Variants in LRRC49 observed in about 807,000 individuals in gnomAD.
LRRC49 encodes leucine-rich repeat-containing protein 49.
In LRRC49, 50 loss-of-function variants were observed where a neutral mutation model predicts 83.3. The ratio of observed to expected loss-of-function variants is 0.60; its 90% CI spans 0.48 to 0.76. LRRC49 has a LOEUF of 0.76. Ranked by LOEUF, LRRC49 falls within the 30% of genes least tolerant of loss-of-function variation. The probability of loss-of-function intolerance (pLI) is 0.00; values close to 1 mark genes in which losing one functional copy is unlikely to be tolerated. For synonymous variants in LRRC49, 286 were observed against 283.3 expected (o/e 1.01, Z -0.10); for missense variants, 704 against 809.1 (o/e 0.87, Z 1.58).
At chr15:71,000,274 C>T (rs533766602) in intron 11 of LRRC49, among the ~76,000 whole-genome samples, 4 of 152,148 alleles carry the variant, frequency 2.6e-5, no homozygotes, top group Non-Finnish European at 4.4e-5. Context: ...TGGAGTGTTT[C>T]GGAGTTCCCT....
intron 15 of LRRC49, among the ~76,000 whole-genome samples, chr15:71,044,714 A>G (rs1000144106): frequency 6.6e-6 from 1 of 151,966 alleles, no homozygotes; most frequent in Non-Finnish European, 1.5e-5. Context: ...TGAGCCTGGG[A>G]GGCAGAGGTT....
intron 2 of LRRC49, among the ~76,000 whole-genome samples, chr15:70,877,947 G>A (rs2033186023): frequency 6.6e-6 from 1 of 152,156 alleles, no homozygotes; most frequent in South Asian, 2.1e-4. Flanking sequence ...GGCTAACATG[G>A]TGAAACCCCG....
intron 11 of LRRC49, among the ~76,000 whole-genome samples, chr15:70,988,631 T>C (rs1242958091): frequency 1.3e-5 from 2 of 151,612 alleles, no homozygotes; most frequent in African/African-American, 4.8e-5. Flanking sequence ...ATTTAGTCCA[T>C]TTACATTTAA....
chr15:70,866,640 C>T (rs2032920150), intron 1 of LRRC49, among the ~76,000 whole-genome samples: 1 of 152,116 alleles, frequency 6.6e-6, no homozygotes, highest in African/African-American at 2.4e-5. Flanking sequence ...TCTAAGTCCT[C>T]AGGGTCTTCA....
Position 70,895,872 on chromosome 15 carries a change from C to T in LRRC49, c.129C>T (p.Asp43=), listed in dbSNP as rs962797397. The T allele has an allele frequency of 1.2e-6, 2 of 1,610,322 alleles. No homozygotes were observed. Among genetic ancestry groups the T allele is most frequent in the Non-Finnish European group, 8.5e-7 (1 of 1,178,260 alleles). Residue 43 remains aspartate (D), a synonymous_variant, in exon 3 of 16, where the codon GAC becomes GAT. Coordinates refer to ENST00000260382, the MANE Select transcript of LRRC49 (RefSeq NM_017691.5). ...KNKVEFKLNK[D]TSSFPGRLLQ... ...AGGTTGAATTCAAGCTAAATAAAGA[C>T]ACATCGTCATTCCCCGGTAGACTTT...
chr15:70,929,282 G>A (rs2035323210), intron 7 of LRRC49, among the ~76,000 whole-genome samples: 2 of 152,124 alleles, frequency 1.3e-5, no homozygotes, highest in East Asian at 3.9e-4. Flanking sequence ...AATAAATGTA[G>A]GAATGAGTTA....
At chr15:71,003,641 T>C (rs1211219479) in intron 11 of LRRC49, among the ~76,000 whole-genome samples, 2 of 152,206 alleles carry the variant, frequency 1.3e-5, no homozygotes, top group South Asian at 2.1e-4. Flanking sequence ...CATGAAAATG[T>C]ACTGAGCTAA....
At chr15:70,908,021 G>C in intron 5 of LRRC49, 3 of 455,960 alleles carry the variant, frequency 6.6e-6, no homozygotes, top group Non-Finnish European at 1.3e-5. Flanking sequence ...CAGGTGTTGG[G>C]GGGTGGAAAG....
At chr15:70,980,936 G>T (rs2037375569) in intron 10 of LRRC49, among the ~76,000 whole-genome samples, 1 of 152,080 alleles carries the variant, frequency 6.6e-6, no homozygotes, top group Admixed American at 6.6e-5. Context: ...TGTACCTGAA[G>T]TCTTAACTAC....
chr15:70,898,457 T>C lies in LRRC49; in HGVS notation c.194-2465T>C, dbSNP rs145046028. ...GGGAAGACAAGGGCTACATATCTGG[T>C]AAGTTAAATAGTAATATAAGAAATA... On this transcript the variant is annotated intron_variant, in intron 3 of 15. Transcript: ENST00000260382. 8.6e-6 allele frequency: 6 copies of C among 700,876 alleles called. No homozygotes were observed. The East Asian group carries it at 1.6e-4, about 19-fold the overall frequency. 43.4% of individuals were successfully genotyped at this position (700,876 alleles called of 1,614,324 possible).
At position 71,008,409 on chromosome 15, in the gene LRRC49, A is replaced by G. The variant is rs1217709600; in HGVS notation, c.1200A>G (p.Leu400=). ...TAGACTCAGGACTCAACAATGCTTT[A>G]CAAGGTTTATCTGTCATAGACACAT... The part of the protein sequence containing the change: ...GPLDSGLNNA[L]QGLSVIDTYL... The change falls in exon 12 of 16, where the codon TTA becomes TTG. Residue 400 remains leucine, a synonymous_variant. Transcript: ENST00000260382. 6.2e-7 allele frequency: 1 copy of G among 1,612,750 alleles called. No homozygotes were observed. The highest frequency in any genetic ancestry group is 8.5e-7 in the Non-Finnish European group (1 of 1,179,016).
rs148002907 is a variant in LRRC49 at position 70,975,196 on chromosome 15, T to A, written c.922-4905T>A. On this transcript the variant is annotated intron_variant, in intron 9 of 15. Coordinates refer to ENST00000260382, the MANE Select transcript of LRRC49 (RefSeq NM_017691.5). ...TAAACTAGAGCATTTCCAAAGAATC[T>A]GACATGATTAGTTGACAAAGGAGAA... Among the ~76,000 whole-genome samples the A allele has an allele frequency of 8.2e-3, 1,252 of 152,200 alleles. 8 individuals carry two copies. Among genetic ancestry groups the A allele is most frequent in the Middle Eastern group, 0.027 (8 of 294 alleles).
rs1481585741 is a variant in LRRC49, at chr15:70,964,803, C to G, written c.921+871C>G. On this transcript the variant is annotated intron_variant, in intron 9 of 15. Transcript: ENST00000260382. ...TATCCTAAGCCTCTACCTATTTTCT[C>G]TCTTCTGGACTGCTGATTTTCATGT... 2.6e-5 allele frequency among the ~76,000 whole-genome samples: 4 copies of G among 152,176 alleles called. No homozygotes were observed. In the East Asian group the frequency reaches 7.7e-4, roughly 29 times the overall value.
upstream of LRRC49, chr15:70,892,524 C>T: frequency 6.6e-7 from 1 of 1,519,340 alleles, no homozygotes; most frequent in South Asian, 1.2e-5. Context: ...CAGAGGGATA[C>T]AAATTTCGCG....
intron 1 of LRRC49, among the ~76,000 whole-genome samples, chr15:70,871,418 C>A (rs907230334): frequency 2.0e-5 from 3 of 152,186 alleles, no homozygotes; most frequent in African/African-American, 7.2e-5. Context: ...CCTCTCTACT[C>A]GACAAAACCC....
intron 2 of LRRC49, among the ~76,000 whole-genome samples, chr15:70,878,322 G>T (rs1300650549): frequency 1.3e-5 from 2 of 152,178 alleles, no homozygotes; most frequent in East Asian, 1.9e-4. Flanking sequence ...CTTTTTAATA[G>T]ATTTCTTAGG....
Position 70,900,996 on chromosome 15 carries a change from C to A in LRRC49, c.268C>A (p.Leu90Ile). The change falls in exon 4 of 16, where the codon CTT becomes ATT. Residue 90 changes from leucine to isoleucine, a missense_variant. By Grantham distance (5) the Leu-to-Ile change is conservative. Around this residue, in one of 3 missense-constraint regions of LRRC49, gnomAD observed 261 missense variants for 330.5 expected, o/e 0.79. Transcript: ENST00000260382. ...TCAACGTTCTTCTGAAGAGAAAATTCTTTACTCAGACAGGTTGAGCCTAGA... is the reference window on the plus strand; with the variant it reads ...TCAACGTTCTTCTGAAGAGAAAATTATTTACTCAGACAGGTTGAGCCTAGA... Reference protein sequence around the residue: ...ILQRSSEEKILYSDRLSLERQ... With the variant: ...ILQRSSEEKIIYSDRLSLERQ... The A allele has an allele frequency of 1.2e-6, 2 of 1,609,918 alleles. No homozygotes were observed. The highest frequency in any genetic ancestry group is 1.7e-6 in the Non-Finnish European group (2 of 1,177,496).
At chr15:70,858,490 G>C (rs2141067360) in intron 1 of LRRC49, among the ~76,000 whole-genome samples, 1 of 152,312 alleles carries the variant, frequency 6.6e-6, no homozygotes, top group Non-Finnish European at 1.5e-5. Flanking sequence ...TGTAGTCCCA[G>C]CTACTCAGGA....
At chr15:70,873,542 G>T (rs567582211) in intron 2 of LRRC49, among the ~76,000 whole-genome samples, 4 of 152,162 alleles carry the variant, frequency 2.6e-5, no homozygotes, top group Non-Finnish European at 5.9e-5. Context: ...CATGCTTGGC[G>T]GATTTGCTGG....
Sources: allele counts gnomAD v4.1 joint callset (sites outside exome capture counted in the v4.1 genomes callset), GRCh38; gene constraint gnomAD v4.1.1; regional missense constraint gnomAD v4.1.1; transcripts MANE v1.5; gene names NCBI Gene and HGNC (gene_info 2026-07-23, HGNC 2026-07-21).